TTYH3: variants seen among roughly 807,000 people sequenced by gnomAD.
TTYH3 encodes protein tweety homolog 3.
In TTYH3, 23 loss-of-function variants were observed where a neutral mutation model predicts 68.2. That is an observed-to-expected ratio of 0.34 (90% CI 0.24 to 0.48). The LOEUF (loss-of-function observed/expected upper bound fraction) is 0.48, where lower values mean the gene tolerates loss of function less well. Ranked by LOEUF, TTYH3 falls within the 20% of genes least tolerant of loss-of-function variation. The pLI, the probability that TTYH3 is intolerant of heterozygous loss-of-function variation, is 0.99. For synonymous variants in TTYH3, 360 were observed against 332.8 expected (o/e 1.08, Z -0.89); for missense variants, 768 against 727.7 (o/e 1.06, Z -0.64).
chr7:2,642,370 C>A (rs1424957762), intron 1 of TTYH3, among the ~76,000 whole-genome samples: 1 of 151,544 alleles, frequency 6.6e-6, no homozygotes, highest in African/African-American at 2.4e-5. Context: ...GTGAACTCCC[C>A]GTCTCTACTA....
rs762557557 is a variant in TTYH3 at position 2,648,073 on chromosome 7, GC to G, written c.722+25del. The G allele has an allele frequency of 8.1e-6, 13 of 1,599,878 alleles. No individual in the cohort carries two copies. The highest frequency in any genetic ancestry group is 1.0e-5 in the Non-Finnish European group (12 of 1,175,268). On this transcript the variant is annotated intron_variant, in intron 5 of 13. Coordinates refer to ENST00000258796, the MANE Select transcript of TTYH3 (RefSeq NM_025250.3). ...TGGTGGGGTGAGTCTGGGGGTGTCG[GC>G]CCCCCGTGGGCCCAAAGCGGAGGGG...
At chr7:2,660,815 G>T (rs1367880065) in intron 13 of TTYH3, among the ~76,000 whole-genome samples, 3 of 152,024 alleles carry the variant, frequency 2.0e-5, no homozygotes, top group Non-Finnish European at 4.4e-5. Context: ...TCTCCTCACT[G>T]CCGCCGGCCC....
chr7:2,647,947 G>T lies in TTYH3; in HGVS notation c.627-12G>T. The T allele has an allele frequency of 6.2e-7, 1 of 1,605,792 alleles. No individual in the cohort carries two copies. Among genetic ancestry groups the T allele is most frequent in the East Asian group, 2.2e-5 (1 of 44,884 alleles). ...TCCCTGTGCCCTGGCGCACTCCCAG[G>T]TTTGCCTGCAGGTGGCTGGGCTACC... On this transcript the variant is annotated splice_polypyrimidine_tract_variant and intron_variant, in intron 4 of 13. Transcript: ENST00000258796.
chr7:2,655,966 T>TG (rs1242125983), intron 9 of TTYH3, 126 bp from the exon 10 acceptor site: 7 of 714,652 alleles, frequency 9.8e-6, no homozygotes, highest in South Asian at 3.8e-5. Context: ...GACCCCAGGG[T>TG]GGGGGGTATC....
intron 12 of TTYH3, 52 bp downstream of exon 12, chr7:2,658,511 G>T: frequency 6.4e-7 from 1 of 1,560,112 alleles, no homozygotes. Flanking sequence ...CTGCGGCTGA[G>T]AGCGCGGATC....
chr7:2,637,249 C>A (rs1003425229), intron 1 of TTYH3, among the ~76,000 whole-genome samples: 1 of 152,164 alleles, frequency 6.6e-6, no homozygotes, highest in Non-Finnish European at 1.5e-5. Flanking sequence ...CAGTGTCAGC[C>A]GCTCTGACCC....
intron 1 of TTYH3, among the ~76,000 whole-genome samples, chr7:2,642,928 T>C (rs1409265777): frequency 1.3e-5 from 2 of 151,316 alleles, no homozygotes; most frequent in Non-Finnish European, 2.9e-5. Flanking sequence ...CAGGCATTGG[T>C]GGCGGGTACC....
At chr7:2,643,934 C>T (rs562443573) in intron 1 of TTYH3, among the ~76,000 whole-genome samples, 13 of 152,310 alleles carry the variant, frequency 8.5e-5, no homozygotes, top group African/African-American at 2.9e-4. Context: ...GCAGTACAGA[C>T]AGGCCCTCCT....
In TTYH3 at chr7:2,663,456, G is replaced by A. The variant is rs2115003495; in HGVS notation, c.*1717G>A. The stretch of plus-strand genomic sequence containing the variant: ...GGCAGAGTGGGGAGGGGAGTCCATG[G>A]GCCTGGGGCCCCAAGCCGGGGCGTC... On this transcript the variant is annotated 3_prime_UTR_variant, in exon 14 of 14. Transcript: ENST00000258796. 6.6e-6 allele frequency: 1 copy of A among 152,646 alleles called. No individual in the cohort carries two copies. The highest frequency in any genetic ancestry group is 2.4e-5 in the African/African-American group (1 of 41,556). 9.5% of individuals were successfully genotyped at this position (152,646 alleles called of 1,614,324 possible).
At chr7:2,656,049 C>G in intron 9 of TTYH3, 43 bp from the exon 10 acceptor site, 2 of 1,455,328 alleles carry the variant, frequency 1.4e-6, no homozygotes, top group Non-Finnish European at 1.9e-6. Flanking sequence ...CGAGGTCCCC[C>G]GTCCAAATGA....
intron 1 of TTYH3, among the ~76,000 whole-genome samples, chr7:2,637,757 C>T (rs895153329): frequency 2.0e-5 from 3 of 152,114 alleles, no homozygotes; most frequent in African/African-American, 4.8e-5. Context: ...CTCCTGTACC[C>T]GGGCCTGCCG....
intron 1 of TTYH3, among the ~76,000 whole-genome samples, chr7:2,643,354 C>CAA (rs34320575): frequency 0.13 from 13,461 of 100,298 alleles, 861 homozygotes; most frequent in Non-Finnish European, 0.19. Context: ...GACTCTGTCT[C>CAA]AAAAAAAAAA....
rs1031763744 is a variant in TTYH3, at chr7:2,648,074, C to G, written c.722+20C>G. ...GGTGGGGTGAGTCTGGGGGTGTCGGCCCCCCGTGGGCCCAAAGCGGAGGGG... is the reference window on the plus strand; with the variant it reads ...GGTGGGGTGAGTCTGGGGGTGTCGGGCCCCCGTGGGCCCAAAGCGGAGGGG... On this transcript the variant is annotated intron_variant, in intron 5 of 13. Transcript: ENST00000258796. 1.3e-6 allele frequency: 2 copies of G among 1,599,890 alleles called. No individual in the cohort carries two copies. The highest frequency in any genetic ancestry group is 1.7e-6 in the Non-Finnish European group (2 of 1,175,566).
chr7:2,639,292 C>A (rs1785765107), intron 1 of TTYH3, among the ~76,000 whole-genome samples: 1 of 152,220 alleles, frequency 6.6e-6, no homozygotes, highest in South Asian at 2.1e-4. Flanking sequence ...TCCCTGCTGC[C>A]AGTGTATCTT....
At chr7:2,646,633 C>T (rs748594192) in intron 1 of TTYH3, among the ~76,000 whole-genome samples, 13 of 152,340 alleles carry the variant, frequency 8.5e-5, no homozygotes, top group South Asian at 6.2e-4. Context: ...GATGGCGAGA[C>T]CGGGGTCCCA....
chr7:2,641,211 C>G (rs1382466265), intron 1 of TTYH3, among the ~76,000 whole-genome samples: 3 of 152,232 alleles, frequency 2.0e-5, no homozygotes, highest in African/African-American at 7.2e-5. Context: ...CGGTAGCAAC[C>G]TGATCTGGGA....
At chr7:2,647,308 G>A (rs967870535) in intron 3 of TTYH3, 55 bp downstream of exon 3, 12 of 1,530,734 alleles carry the variant, frequency 7.8e-6, no homozygotes, top group Non-Finnish European at 1.1e-5. Context: ...GGAGCCCCAC[G>A]TCTGCGCGAG....
At chr7:2,656,596 AG>A (rs1216765372) in intron 11 of TTYH3, 62 bp downstream of exon 11, 7 of 1,552,412 alleles carry the variant, frequency 4.5e-6, no homozygotes, top group Non-Finnish European at 6.1e-6. Flanking sequence ...GGGACACTTC[AG>A]GGGCATGCCT....
Position 2,645,758 on chromosome 7 carries a change from T to C in TTYH3, c.124-1095T>C. The C allele has an allele frequency of 2.1e-6, 1 of 470,862 alleles. No individual in the cohort carries two copies. The highest frequency in any genetic ancestry group is 4.4e-6 in the Non-Finnish European group (1 of 226,924). 29.2% of individuals were successfully genotyped at this position (470,862 alleles called of 1,614,324 possible). A position where few individuals can be genotyped will look rare whatever the true frequency, so the allele number is the denominator to read the frequency against. ...CAGACTCCTGATGGGGCCTCTTCCA[T>C]GTTCACCCCTCAGAAACACTTTCAT... is the stretch of plus-strand genomic sequence containing the variant. On this transcript the variant is annotated intron_variant, in intron 1 of 13. Transcript: ENST00000258796. This position sits in a 1 kb window ranked among gnomAD's most constrained non-coding sequence, Gnocchi z 4.8.
Sources: gnomAD v4.1 joint callset for allele counts (sites outside exome capture counted in the v4.1 genomes callset) on GRCh38, gnomAD v4.1.1 for gene constraint, Gnocchi (gnomAD v3.1) non-coding constraint, MANE v1.5 for transcripts, NCBI Gene and HGNC (gene_info 2026-07-23, HGNC 2026-07-21) for gene names.